The following SPIRE1 variants were observed in gnomAD, a reference collection of about 807,000 sequenced individuals.
SPIRE1 encodes the protein protein spire homolog 1.
A neutral mutation model predicts 94.1 loss-of-function variants in SPIRE1; 40 were observed. The ratio of observed to expected loss-of-function variants is 0.43; its 90% confidence interval spans 0.33 to 0.55. The LOEUF is 0.55. Ranked by LOEUF, SPIRE1 falls within the 20% of genes least tolerant of loss-of-function variation. SPIRE1 has a pLI of 0.06. For synonymous variants in SPIRE1, 376 were observed against 371.7 expected, an observed-to-expected ratio of 1.01 and a Z score of -0.13; for missense variants, 838 against 975.2, an observed-to-expected ratio of 0.86 and a Z score of 1.87.
intron 6 of SPIRE1, among the ~76,000 whole-genome samples, chr18:12,499,857 G>GAA: frequency 6.6e-6 from 1 of 151,946 alleles, no homozygotes; most frequent in African/African-American, 2.4e-5. Context: ...ATCTGTCAGG[G>GAA]GTCCACCATC....
At chr18:12,553,311 A>C (rs1420246320) in intron 2 of SPIRE1, among the ~76,000 whole-genome samples, 4 of 152,136 alleles carry the variant, frequency 2.6e-5, no homozygotes, top group Admixed American at 6.5e-5. Context: ...CTAGGACAGC[A>C]TTTCCGGATC....
intron 2 of SPIRE1, among the ~76,000 whole-genome samples, chr18:12,549,033 C>G (rs2035258271): frequency 1.3e-5 from 2 of 152,190 alleles, no homozygotes; most frequent in African/African-American, 2.4e-5. Flanking sequence ...CCAGCCTGTT[C>G]AGGAGAAGGT....
chr18:12,485,994 C>T lies in SPIRE1; in HGVS notation c.1196G>A (p.Arg399Gln), dbSNP rs750421889. 23 of 1,512,270 alleles carry T rather than the reference C, an allele frequency of 1.5e-5. No homozygotes were observed. Among genetic ancestry groups the T allele is most frequent in the South Asian group, 5.2e-5 (4 of 77,568 alleles). 93.7% of individuals were successfully genotyped at this position (1,512,270 alleles called of 1,614,324 possible). The change falls in exon 9 of 17, where the codon CGG (arginine) becomes CAG (glutamine). Residue 399 changes from arginine to glutamine, a missense_variant. Transcript: ENST00000409402. Reference protein sequence around the residue: ...EEIRRSRLAMRPLSMSYSFDL... With the variant: ...EEIRRSRLAMQPLSMSYSFDL... ...AAAACTGTAAGACATGCTAAGTGGCCGCATTGCTGAAAAAAAGAAAACAAA... is the reference window on the plus strand; with the variant it reads ...AAAACTGTAAGACATGCTAAGTGGCTGCATTGCTGAAAAAAAGAAAACAAA...
chr18:12,520,976 C>T (rs1400695700), intron 4 of SPIRE1, among the ~76,000 whole-genome samples: 1 of 152,170 alleles, frequency 6.6e-6, no homozygotes, highest in Non-Finnish European at 1.5e-5. Flanking sequence ...GGCCCTATGA[C>T]ACTGGCGGAT....
At chr18:12,508,143 TC>T (rs2033902126) in intron 5 of SPIRE1, among the ~76,000 whole-genome samples, 1 of 150,936 alleles carries the variant, frequency 6.6e-6, no homozygotes, top group Admixed American at 6.6e-5. Flanking sequence ...AGATTCCATC[TC>T]AAAAAAATAA....
At chr18:12,505,855 CATG>C (rs1761802923) in intron 6 of SPIRE1, among the ~76,000 whole-genome samples, 1 of 152,044 alleles carries the variant, frequency 6.6e-6, no homozygotes, top group South Asian at 2.1e-4. Flanking sequence ...AAAAAATAAT[CATG>C]ATATGTTAAG....
chr18:12,519,392 ATGT>A (rs774787252), intron 4 of SPIRE1, among the ~76,000 whole-genome samples: 1 of 152,016 alleles, frequency 6.6e-6, no homozygotes, highest in Non-Finnish European at 1.5e-5. Context: ...TCTCTAACAA[ATGT>A]CTCTGCTCTA....
At chr18:12,655,908 T>A (rs1168689088) in intron 1 of SPIRE1, among the ~76,000 whole-genome samples, 1 of 151,326 alleles carries the variant, frequency 6.6e-6, no homozygotes, top group East Asian at 1.9e-4. Flanking sequence ...TATTGCTGTA[T>A]TTTTTTTTGA....
intron 2 of SPIRE1, among the ~76,000 whole-genome samples, chr18:12,582,118 C>T (rs1373806669): frequency 2.6e-5 from 4 of 152,076 alleles, no homozygotes; most frequent in Non-Finnish European, 5.9e-5. Flanking sequence ...CCTTTGTATG[C>T]CAGTCAGTTT....
chr18:12,657,965 A>AACC lies in SPIRE1; in HGVS notation c.-102_-100dup. ...CGCGCCGCCGCCTCACCATCCCCGG[A>AACC]ACCGCCGCCGCCCAACGCGGCCGCG... On this transcript the variant is annotated 5_prime_UTR_variant, in exon 1 of 17. Coordinates refer to ENST00000409402, the MANE Select transcript of SPIRE1 (RefSeq NM_001128626.2). 3.0e-6 allele frequency: 3 copies of AACC among 998,222 alleles called. No homozygotes were observed. The highest frequency in any genetic ancestry group is 3.6e-6 in the Non-Finnish European group (3 of 840,338). The allele number at this position is 998,222 out of a possible 1,614,324, so 61.8% of individuals were successfully genotyped here. A position where few individuals can be genotyped will look rare whatever the true frequency, so the allele number is the denominator to read the frequency against.
intron 11 of SPIRE1, 75 bp from the exon 12 acceptor site, chr18:12,463,568 C>T (rs2031964010): frequency 3.4e-6 from 4 of 1,171,818 alleles, no homozygotes; most frequent in Admixed American, 2.1e-5. Context: ...TTGTGACAAA[C>T]ACTGTAATTC....
intron 2 of SPIRE1, among the ~76,000 whole-genome samples, chr18:12,572,916 C>T (rs182452675): frequency 4.3e-4 from 66 of 152,064 alleles, no homozygotes; most frequent in South Asian, 3.7e-3. Flanking sequence ...ATGTAAAATC[C>T]GAAACTATAA....
chr18:12,503,102 C>T (rs562512395), intron 6 of SPIRE1, among the ~76,000 whole-genome samples: 1 of 141,558 alleles, frequency 7.1e-6, no homozygotes, highest in African/African-American at 2.9e-5. Flanking sequence ...GAGTGAGACT[C>T]TGTCTCAAAA....
chr18:12,642,655 G>T (rs1004564584), intron 1 of SPIRE1, among the ~76,000 whole-genome samples: 1 of 152,200 alleles, frequency 6.6e-6, no homozygotes, highest in Non-Finnish European at 1.5e-5. Context: ...GCAAGTACAG[G>T]ATAGGAGGTG....
chr18:12,504,743 A>C (rs1301422094), intron 6 of SPIRE1, among the ~76,000 whole-genome samples: 3 of 152,190 alleles, frequency 2.0e-5, no homozygotes, highest in Non-Finnish European at 4.4e-5. Flanking sequence ...ATAAATCCGG[A>C]AATACACTGC....
intron 9 of SPIRE1, among the ~76,000 whole-genome samples, chr18:12,482,749 T>G (rs988349240): frequency 6.6e-6 from 1 of 152,144 alleles, no homozygotes; most frequent in Non-Finnish European, 1.5e-5. Context: ...AACCCTGTGC[T>G]ATGAGATTGA....
intron 12 of SPIRE1, among the ~76,000 whole-genome samples, chr18:12,454,893 T>C (rs1480296256): frequency 6.6e-6 from 1 of 152,192 alleles, no homozygotes; most frequent in Non-Finnish European, 1.5e-5. Flanking sequence ...TAGTGTTGTG[T>C]TGTACATTAT....
chr18:12,508,784 C>T (rs1162266827), intron 5 of SPIRE1, among the ~76,000 whole-genome samples: 1 of 151,588 alleles, frequency 6.6e-6, no homozygotes, highest in African/African-American at 2.4e-5. Flanking sequence ...AAGTGATTCT[C>T]CTGCCTCAGC....
intron 8 of SPIRE1, among the ~76,000 whole-genome samples, chr18:12,487,020 C>T (rs1455402415): frequency 6.6e-6 from 1 of 151,872 alleles, no homozygotes; most frequent in Non-Finnish European, 1.5e-5. Flanking sequence ...GCCTGGCTAC[C>T]GTTTGTATTT....
Sources: allele counts gnomAD v4.1 joint callset (sites outside exome capture counted in the v4.1 genomes callset), GRCh38; gene constraint gnomAD v4.1.1; transcripts MANE v1.5; gene names NCBI Gene and HGNC (gene_info 2026-07-23, HGNC 2026-07-21).